ANKRD60: variants seen among roughly 807,000 people sequenced by gnomAD.
The protein encoded by ANKRD60 is ankyrin repeat domain 60.
A neutral mutation model predicts 21.3 loss-of-function variants in ANKRD60; 24 were observed. That is an observed-to-expected ratio of 1.13 (90% CI 0.82 to 1.59). The LOEUF is 1.59. ANKRD60 is among the 40% of genes most tolerant of loss of function. ANKRD60 has a pLI of 0.00. For synonymous variants in ANKRD60, 182 were observed against 199.4 expected, an observed-to-expected ratio of 0.91 and a Z score of 0.74; for missense variants, 490 against 466.7, an observed-to-expected ratio of 1.05 and a Z score of -0.46.
intron 1 of ANKRD60, among the ~76,000 whole-genome samples, chr20:58,223,998 A>G (rs1984316608): frequency 1.3e-5 from 2 of 151,960 alleles, no homozygotes; most frequent in Non-Finnish European, 2.9e-5. Context: ...GCTACTCAGG[A>G]GGCTGAGGTG....
At chr20:58,225,752 T>C (rs914678601) in intron 1 of ANKRD60, among the ~76,000 whole-genome samples, 6 of 152,208 alleles carry the variant, frequency 3.9e-5, no homozygotes, top group Non-Finnish European at 7.3e-5. Context: ...GCTGTTCACA[T>C]TCTCTGTGCA....
chr20:58,218,244 G>T (rs1210717552), downstream of ANKRD60, among the ~76,000 whole-genome samples: 2 of 152,208 alleles, frequency 1.3e-5, no homozygotes, highest in Non-Finnish European at 2.9e-5. Context: ...GGTACAATGT[G>T]CAAATAGCTT....
At chr20:58,217,295 G>A (rs1158541314), downstream of ANKRD60, among the ~76,000 whole-genome samples, 4 of 152,114 alleles carry the variant, frequency 2.6e-5, no homozygotes, top group Non-Finnish European at 5.9e-5. Context: ...CAGGCATGGT[G>A]GCAGGTGCCT....
intron 2 of ANKRD60, among the ~76,000 whole-genome samples, chr20:58,222,614 G>A (rs921643704): frequency 1.1e-4 from 17 of 152,126 alleles, no homozygotes; most frequent in Admixed American, 1.0e-3. Context: ...AGGACAGAGC[G>A]CCCGCCGCTC....
At chr20:58,222,261 G>C (rs1452269516) in intron 2 of ANKRD60, among the ~76,000 whole-genome samples, 2 of 152,128 alleles carry the variant, frequency 1.3e-5, no homozygotes, top group Admixed American at 1.3e-4. Flanking sequence ...GGAGGGACTA[G>C]GAGATGTGTC....
rs571522840 is a variant in ANKRD60, at chr20:58,220,219, G to A, written c.727+1119C>T. ...GCCCAAACCATTGACCAAACACCAC[G>A]TAACATGTTCTCCCTTTTTCCAAGG... On this transcript the variant is annotated intron_variant, in intron 3 of 3. Transcript: ENST00000457363. Among the ~76,000 whole-genome samples, 163 of 152,326 alleles carry A rather than the reference G, an allele frequency of 1.1e-3. 3 individuals are homozygous for A. The South Asian group carries it at 0.03, about 28-fold the overall frequency.
Position 58,218,707 on chromosome 20 carries a change from C to T in ANKRD60, c.826G>A (p.Gly276Arg), listed in dbSNP as rs536889017. The T allele has an allele frequency of 7.5e-4, 1,161 of 1,551,712 alleles. 3 individuals carry two copies. Among genetic ancestry groups the T allele is most frequent in the Middle Eastern group, 1.2e-3 (7 of 5,992 alleles). The change falls in exon 4 of 4, where the codon GGG becomes AGG. Residue 276 changes from glycine to arginine, a missense_variant. Transcript: ENST00000457363. ...GCATCTCTGTCGTGGATGGAGGCCC[C>T]GTGCTGGAGCAGGAGGATTATACAG... is the stretch of plus-strand genomic sequence containing the variant.
At chr20:58,226,508 T>C (rs1264766438) in intron 1 of ANKRD60, among the ~76,000 whole-genome samples, 1 of 152,094 alleles carries the variant, frequency 6.6e-6, no homozygotes, top group African/African-American at 2.4e-5. Context: ...GCTGAAGGAT[T>C]TGGGTTACAT....
intron 3 of ANKRD60, among the ~76,000 whole-genome samples, chr20:58,220,505 G>GAGAC (rs1984225435): frequency 1.3e-5 from 2 of 152,202 alleles, no homozygotes; most frequent in South Asian, 4.1e-4. Context: ...GAGAGAGAGA[G>GAGAC]AGAGAGAGAG....
downstream of ANKRD60, among the ~76,000 whole-genome samples, chr20:58,217,137 CAA>C (rs1239933253): frequency 6.6e-6 from 1 of 152,180 alleles, no homozygotes; most frequent in Non-Finnish European, 1.5e-5. Flanking sequence ...TTTTAAAAAT[CAA>C]GAGAGATCTG....
At chr20:58,217,974 G>C (rs1022355064), downstream of ANKRD60, among the ~76,000 whole-genome samples, 1 of 152,080 alleles carries the variant, frequency 6.6e-6, no homozygotes, top group Non-Finnish European at 1.5e-5. Flanking sequence ...TTCTGCCCCC[G>C]ACTCAAGAAG....
chr20:58,223,146 T>G (rs1452696083), exon 2 of ANKRD60: 1 of 1,551,456 alleles, frequency 6.4e-7, no homozygotes, highest in Admixed American at 2.0e-5. Flanking sequence ...AGGAACAACA[T>G]CATGGAACTT....
At chr20:58,221,384 G>A in exon 3 of ANKRD60, 1 of 1,552,054 alleles carries the variant, frequency 6.4e-7, no homozygotes, top group Non-Finnish European at 8.7e-7. Context: ...CTCTGTGTGA[G>A]GCCACATACA....
rs1009253785 is a variant in ANKRD60, at chr20:58,221,589, G to T, written c.562-86C>A. On this transcript the variant is annotated intron_variant, in intron 2 of 3. Coordinates refer to ENST00000457363, the Ensembl canonical transcript of ANKRD60. ...GCTGATGGGGCATGCTCAGGGGAAG[G>T]CTTGCTTGAATGTCAAATTAAGGCT... 2.5e-5 allele frequency: 35 copies of T among 1,416,312 alleles called. No homozygotes were observed. In the African/African-American group the frequency reaches 4.0e-4, roughly 16 times the overall value. 87.7% of individuals were successfully genotyped at this position (1,416,312 alleles called of 1,614,324 possible).
At chr20:58,219,773 G>A (rs145966933) in intron 3 of ANKRD60, among the ~76,000 whole-genome samples, 1 of 152,314 alleles carries the variant, frequency 6.6e-6, no homozygotes, top group Admixed American at 6.5e-5. Context: ...CCTCCCCCCA[G>A]CAGCTGTCTG....
At chr20:58,225,891 A>G (rs1483907655) in intron 1 of ANKRD60, among the ~76,000 whole-genome samples, 1 of 152,196 alleles carries the variant, frequency 6.6e-6, no homozygotes, top group Non-Finnish European at 1.5e-5. Flanking sequence ...ATTGTAGGGA[A>G]TCGGGATAGG....
At chr20:58,217,569 G>C (rs938066111), downstream of ANKRD60, among the ~76,000 whole-genome samples, 28 of 151,962 alleles carry the variant, frequency 1.8e-4, no homozygotes, top group African/African-American at 6.5e-4. Context: ...GACAGCTGGC[G>C]CCATCCTTGT....
At chr20:58,217,438 A>G (rs1984158351), downstream of ANKRD60, among the ~76,000 whole-genome samples, 1 of 146,970 alleles carries the variant, frequency 6.8e-6, no homozygotes, top group Non-Finnish European at 1.5e-5. Flanking sequence ...CAAAAAAAGA[A>G]AAAAAAAAAT....
At chr20:58,225,749 A>C (rs1984351120) in intron 1 of ANKRD60, among the ~76,000 whole-genome samples, 1 of 152,196 alleles carries the variant, frequency 6.6e-6, no homozygotes, top group South Asian at 2.1e-4. Flanking sequence ...TCAGCTGTTC[A>C]CATTCTCTGT....
Sources: allele counts gnomAD v4.1 joint callset (sites outside exome capture counted in the v4.1 genomes callset), GRCh38; gene constraint gnomAD v4.1.1; transcripts MANE v1.5; gene names NCBI Gene and HGNC (gene_info 2026-07-23, HGNC 2026-07-21).